The following CHD7 variants were observed in gnomAD, a reference collection of about 807,000 sequenced individuals.
CHD7 encodes the protein chromodomain helicase DNA binding protein 7.
Under a neutral mutation model 307.3 loss-of-function variants are expected in CHD7, and 24 were observed. The ratio of observed to expected loss-of-function variants is 0.08; its 90% CI spans 0.06 to 0.11. The LOEUF (loss-of-function observed/expected upper bound fraction) is 0.11. CHD7 is among the 10% of genes least tolerant of loss of function. The pLI is 1.00. For missense variants in CHD7, 3,106 were observed against 3,727.1 expected, an observed-to-expected ratio of 0.83 and a Z score of 4.34; for synonymous variants, 1,363 against 1,349.9, an observed-to-expected ratio of 1.01 and a Z score of -0.21.
chr8:60,844,067 G>A (rs1008659196), intron 21 of CHD7, among the ~76,000 whole-genome samples: 8 of 152,192 alleles, frequency 5.3e-5, no homozygotes, highest in Non-Finnish European at 8.8e-5. Context: ...GTCTGCTGTC[G>A]CCTGGGAGAA....
At chr8:60,684,195 G>C (rs1289366452) in intron 1 of CHD7, among the ~76,000 whole-genome samples, 1 of 152,130 alleles carries the variant, frequency 6.6e-6, no homozygotes, top group Non-Finnish European at 1.5e-5. Flanking sequence ...AGTAAAGGCT[G>C]GTTCACTCTC....
intron 7 of CHD7, among the ~76,000 whole-genome samples, chr8:60,812,120 T>A (rs1318879319): frequency 6.6e-6 from 1 of 152,244 alleles, no homozygotes; most frequent in Non-Finnish European, 1.5e-5. Flanking sequence ...TGGTGTTTAT[T>A]GCATTGCCCA....
intron 15 of CHD7, among the ~76,000 whole-genome samples, chr8:60,832,404 A>G (rs1312364463): frequency 2.0e-5 from 3 of 152,174 alleles, no homozygotes; most frequent in Non-Finnish European, 1.5e-5. Context: ...GATACTGCCA[A>G]TCTGCTAATC....
At chr8:60,826,808 A>G (rs773749087) in intron 13 of CHD7, among the ~76,000 whole-genome samples, 3 of 152,208 alleles carry the variant, frequency 2.0e-5, no homozygotes, top group Non-Finnish European at 4.4e-5. Flanking sequence ...TGATTCTAGT[A>G]TCTCTTTCAT....
intron 27 of CHD7, 75 bp downstream of exon 27, chr8:60,851,179 A>T: frequency 6.8e-7 from 1 of 1,480,622 alleles, no homozygotes; most frequent in Non-Finnish European, 9.2e-7. Flanking sequence ...GTTAAACTTT[A>T]TAGATAATGA....
intron 4 of CHD7, among the ~76,000 whole-genome samples, chr8:60,796,727 A>G (rs979156100): frequency 5.3e-5 from 8 of 152,144 alleles, no homozygotes; most frequent in African/African-American, 1.7e-4. Flanking sequence ...TACGTGTTCA[A>G]TAGCTAATAT....
chr8:60,745,195 T>C (rs2150585299), intron 2 of CHD7, among the ~76,000 whole-genome samples: 1 of 152,276 alleles, frequency 6.6e-6, no homozygotes, highest in South Asian at 2.1e-4. Flanking sequence ...TTAGGAATTA[T>C]TATTTTCTTA....
rs113417166 is a variant in CHD7, at chr8:60,735,049, C to CATT, written c.-174-6208_-174-6206dup. Reference sequence around the variant, plus strand: ...AGACCCATAAATATCTGGGAGAGAGCATTAGCAGGTTGGGAAATGCACTGA... The same window carrying CATT: ...AGACCCATAAATATCTGGGAGAGAGCATTATTAGCAGGTTGGGAAATGCACTGA... On this transcript the variant is annotated intron_variant, in intron 1 of 37. Coordinates refer to ENST00000423902, the MANE Select transcript of CHD7 (RefSeq NM_017780.4). 5.4e-3 allele frequency among the ~76,000 whole-genome samples: 826 copies of CATT among 152,266 alleles called. 7 individuals carry two copies. Among genetic ancestry groups the CATT allele is most frequent in the African/African-American group, 0.019 (798 of 41,538 alleles).
chr8:60,734,445 A>C (rs1052395641), intron 1 of CHD7, among the ~76,000 whole-genome samples: 1 of 152,162 alleles, frequency 6.6e-6, no homozygotes, highest in African/African-American at 2.4e-5. Context: ...CGTGCTTGGC[A>C]CTTTTGTAGC....
At chr8:60,768,521 G>A (rs937946523) in intron 2 of CHD7, among the ~76,000 whole-genome samples, 1 of 152,182 alleles carries the variant, frequency 6.6e-6, no homozygotes, top group Non-Finnish European at 1.5e-5. Flanking sequence ...GGGCCATCTG[G>A]GCCAGCACCG....
chr8:60,818,431 A>G (rs781208179), intron 8 of CHD7, among the ~76,000 whole-genome samples: 2 of 152,248 alleles, frequency 1.3e-5, no homozygotes, highest in East Asian at 1.9e-4. Flanking sequence ...AAGTTTTCCT[A>G]AAGAGAGTTT....
intron 31 of CHD7, among the ~76,000 whole-genome samples, 181 bp from the exon 32 acceptor site, chr8:60,854,182 C>A (rs1805604835): frequency 2.0e-5 from 3 of 152,204 alleles, no homozygotes; most frequent in Admixed American, 1.3e-4. Flanking sequence ...GGAAATAACA[C>A]CATCTATGTT....
intron 26 of CHD7, 110 bp from the exon 27 acceptor site, chr8:60,850,922 C>A: frequency 1.3e-6 from 1 of 786,268 alleles, no homozygotes; most frequent in East Asian, 2.7e-5. Context: ...TGATGTCAAA[C>A]CCATAATTAA....
At chr8:60,809,814 T>TA (rs1483571557) in intron 7 of CHD7, among the ~76,000 whole-genome samples, 6 of 152,178 alleles carry the variant, frequency 3.9e-5, no homozygotes, top group African/African-American at 4.8e-5. Context: ...AGAAAAATTG[T>TA]AAAAAATAGT....
intron 15 of CHD7, among the ~76,000 whole-genome samples, chr8:60,833,257 T>C (rs1274718186): frequency 1.3e-5 from 2 of 152,240 alleles, no homozygotes; most frequent in South Asian, 2.1e-4. Context: ...CAATTTTATA[T>C]GTATGAGTTG....
chr8:60,847,488 A>G (rs1020529678), intron 23 of CHD7, among the ~76,000 whole-genome samples: 1 of 152,250 alleles, frequency 6.6e-6, no homozygotes, highest in Non-Finnish European at 1.5e-5. Context: ...AAGGGCTAGT[A>G]TAAGTGTGAG....
intron 1 of CHD7, among the ~76,000 whole-genome samples, chr8:60,711,604 A>G (rs1807283702): frequency 6.6e-6 from 1 of 152,234 alleles, no homozygotes; most frequent in Non-Finnish European, 1.5e-5. Flanking sequence ...CCTCTTGCTA[A>G]TTGTGGGGCA....
At chr8:60,788,197 C>T (rs903265711) in intron 3 of CHD7, among the ~76,000 whole-genome samples, 1 of 150,888 alleles carries the variant, frequency 6.6e-6, no homozygotes, top group Non-Finnish European at 1.5e-5. Flanking sequence ...AGTCTCAGCT[C>T]ACTGCAGCCT....
intron 19 of CHD7, 69 bp from the exon 20 acceptor site, chr8:60,841,575 C>G: frequency 8.1e-7 from 1 of 1,232,990 alleles, no homozygotes; most frequent in Non-Finnish European, 1.2e-6. Context: ...AATACATAAA[C>G]AAAAGCTGCT....
Sources: allele counts gnomAD v4.1 joint callset (sites outside exome capture counted in the v4.1 genomes callset), GRCh38; gene constraint gnomAD v4.1.1; transcripts MANE v1.5; gene names NCBI Gene and HGNC (gene_info 2026-07-23, HGNC 2026-07-21).